The following TMEM135 variants were observed in gnomAD, a reference collection of about 807,000 sequenced individuals.
TMEM135 encodes peroxisomal membrane protein 52.
A neutral mutation model predicts 60.3 loss-of-function variants in TMEM135; 30 were observed. That is an observed-to-expected ratio of 0.50 (90% confidence interval 0.37 to 0.68). The LOEUF (loss-of-function observed/expected upper bound fraction) is 0.68. TMEM135 is among the 30% of genes least tolerant of loss of function. The probability of loss-of-function intolerance (pLI) is 0.00; values close to 1 mark genes in which losing one functional copy is unlikely to be tolerated. For missense variants in TMEM135, 468 were observed against 548.8 expected (o/e 0.85, Z 1.47); for synonymous variants, 190 against 186.7 (o/e 1.02, Z -0.14).
At chr11:87,186,205 G>A (rs981680180) in intron 5 of TMEM135, among the ~76,000 whole-genome samples, 1 of 152,062 alleles carries the variant, frequency 6.6e-6, no homozygotes, top group South Asian at 2.1e-4. Context: ...GTGCCCAGCT[G>A]TAGTTATCCT....
chr11:87,066,779 C>CTTTTTTTTTTTTTTTTTTTTTTTTTTTTT (rs201355341), intron 1 of TMEM135, among the ~76,000 whole-genome samples: 1 of 129,178 alleles, frequency 7.7e-6, no homozygotes. Flanking sequence ...TTACTAGATT[C>CTTTTTTTTTTTTTTTTTTTTTTTTTTTTT]TTTCTTTTTT....
At chr11:87,102,732 A>ATATATG (rs1246554229) in intron 4 of TMEM135, among the ~76,000 whole-genome samples, 2 of 145,388 alleles carry the variant, frequency 1.4e-5, no homozygotes, top group East Asian at 3.9e-4. Context: ...ATATATGTAT[A>ATATATG]TATATATGTA....
intron 5 of TMEM135, among the ~76,000 whole-genome samples, chr11:87,236,004 G>T (rs1034770652): frequency 1.3e-5 from 2 of 151,806 alleles, no homozygotes; most frequent in Non-Finnish European, 2.9e-5. Flanking sequence ...AGAAGATCTG[G>T]TCATCTTCAT....
intron 1 of TMEM135, among the ~76,000 whole-genome samples, chr11:87,038,426 G>A (rs1317983428): frequency 6.6e-6 from 1 of 152,106 alleles, no homozygotes; most frequent in Non-Finnish European, 1.5e-5. Context: ...CTGAATGCCT[G>A]TTGCTAGGAA....
chr11:87,306,369 T>A (rs1269401271), intron 9 of TMEM135, among the ~76,000 whole-genome samples: 1 of 152,242 alleles, frequency 6.6e-6, no homozygotes, highest in South Asian at 2.1e-4. Context: ...ACTCCCAGAC[T>A]GTGCTGTGTG....
At chr11:87,243,199 T>A (rs1218766628) in intron 6 of TMEM135, among the ~76,000 whole-genome samples, 2 of 82,824 alleles carry the variant, frequency 2.4e-5, no homozygotes, top group Non-Finnish European at 5.8e-5. Flanking sequence ...TCTGTTCTGT[T>A]CCATCGATCT....
At chr11:87,168,107 C>G (rs182328484) in intron 5 of TMEM135, among the ~76,000 whole-genome samples, 153 of 151,982 alleles carry the variant, frequency 1.0e-3, no homozygotes, top group Admixed American at 2.7e-3. Flanking sequence ...AGAGGTGTTT[C>G]TAGTATTCTC....
intron 4 of TMEM135, among the ~76,000 whole-genome samples, chr11:87,108,624 A>G (rs1005156191): frequency 6.6e-6 from 1 of 152,036 alleles, no homozygotes; most frequent in African/African-American, 2.4e-5. Flanking sequence ...TTAAGGTGTA[A>G]CATTAGATTT....
intron 1 of TMEM135, among the ~76,000 whole-genome samples, chr11:87,044,558 G>T (rs1225827119): frequency 6.6e-6 from 1 of 151,926 alleles, no homozygotes; most frequent in Admixed American, 6.6e-5. Flanking sequence ...AACTTATGGG[G>T]GTGTAAATAA....
chr11:87,169,995 G>A (rs1019260768), intron 5 of TMEM135, among the ~76,000 whole-genome samples: 20 of 148,162 alleles, frequency 1.3e-4, no homozygotes, highest in African/African-American at 2.0e-4. Flanking sequence ...GGCTTCCTTC[G>A]TTCCTTTTTA....
chr11:87,172,589 G>A (rs1047091054), intron 5 of TMEM135, among the ~76,000 whole-genome samples: 6 of 151,886 alleles, frequency 4.0e-5, no homozygotes, highest in African/African-American at 1.4e-4. Flanking sequence ...GGGACTCTTT[G>A]TTAGGGATTT....
intron 4 of TMEM135, among the ~76,000 whole-genome samples, chr11:87,111,350 A>G (rs1220054116): frequency 4.6e-5 from 7 of 152,014 alleles, no homozygotes; most frequent in African/African-American, 1.7e-4. Context: ...TTCTATGTCT[A>G]TCTTTGAAAT....
intron 6 of TMEM135, among the ~76,000 whole-genome samples, chr11:87,238,904 A>G (rs1591127981): frequency 1.3e-5 from 2 of 152,046 alleles, no homozygotes; most frequent in East Asian, 3.9e-4. Context: ...GGTATTTAAA[A>G]TCTTTCCCAT....
intron 7 of TMEM135, among the ~76,000 whole-genome samples, chr11:87,296,605 C>G (rs1942351934): frequency 6.6e-6 from 1 of 152,126 alleles, no homozygotes; most frequent in Non-Finnish European, 1.5e-5. Flanking sequence ...AGCTTCAGTA[C>G]TAGCAAAAGT....
chr11:87,252,082 A>G (rs1001950481), intron 6 of TMEM135, among the ~76,000 whole-genome samples: 1 of 152,170 alleles, frequency 6.6e-6, no homozygotes, highest in African/African-American at 2.4e-5. Flanking sequence ...AGAGAAAAAG[A>G]TAGGGCCATT....
At chr11:87,301,677 T>C (rs1942452491) in intron 7 of TMEM135, among the ~76,000 whole-genome samples, 1 of 152,202 alleles carries the variant, frequency 6.6e-6, no homozygotes, top group Non-Finnish European at 1.5e-5. Flanking sequence ...GGGCAATGAC[T>C]CTTACAGGAT....
At chr11:87,061,704 G>A (rs972036380) in intron 1 of TMEM135, among the ~76,000 whole-genome samples, 2 of 152,154 alleles carry the variant, frequency 1.3e-5, no homozygotes, top group Admixed American at 1.3e-4. Context: ...GCCGTAAAGT[G>A]CAATCCCAAT....
At chr11:87,238,678 T>C (rs144165366) in intron 6 of TMEM135, among the ~76,000 whole-genome samples, 7 of 152,228 alleles carry the variant, frequency 4.6e-5, no homozygotes, top group Non-Finnish European at 7.4e-5. Context: ...ACTTCTTAAT[T>C]GTATTCAGAC....
chr11:87,214,024 T>G (rs1024258961), intron 5 of TMEM135, among the ~76,000 whole-genome samples: 1 of 152,188 alleles, frequency 6.6e-6, no homozygotes, highest in Non-Finnish European at 1.5e-5. Flanking sequence ...TTTTAAATAC[T>G]TAGACTGTTT....
Sources: allele counts gnomAD v4.1 joint callset (sites outside exome capture counted in the v4.1 genomes callset), GRCh38; gene constraint gnomAD v4.1.1; transcripts MANE v1.5; gene names NCBI Gene and HGNC (gene_info 2026-07-23, HGNC 2026-07-21).